Variants in SOAT1 observed in about 807,000 individuals in gnomAD.
SOAT1 encodes the protein acyl-coenzyme A:cholesterol acyltransferase 1.
Under a neutral mutation model 69.5 loss-of-function variants are expected in SOAT1, and 55 were observed. The ratio of observed to expected loss-of-function variants is 0.79; its 90% CI spans 0.64 to 0.99. The LOEUF (loss-of-function observed/expected upper bound fraction) is 0.99. Among genes scored for constraint, SOAT1 ranks in the 50% least tolerant of loss-of-function variants. SOAT1 has a pLI of 0.00. For synonymous variants in SOAT1, 231 were observed against 224.7 expected (o/e 1.03, Z -0.25); for missense variants, 580 against 669.3 (o/e 0.87, Z 1.47).
chr1:179,345,051 A>G lies in SOAT1; in HGVS notation c.1092A>G (p.Leu364=), dbSNP rs753077876. 9 of 1,614,094 alleles carry G rather than the reference A, an allele frequency of 5.6e-6. No individual in the cohort carries two copies. Among genetic ancestry groups the G allele is most frequent in the Non-Finnish European group, 6.8e-6 (8 of 1,179,980 alleles). The change falls in exon 11 of 16, where the codon CTA becomes CTG. Residue 364 remains leucine, a synonymous_variant. Coordinates refer to ENST00000367619, the MANE Select transcript of SOAT1 (RefSeq NM_003101.6). ...CCTTCAGCGCTCGTGTTCTGGTCCT[A>G]TGTGTATTTAACTCCATCTTGCCAG... The part of the protein sequence containing the change: ...QEPFSARVLV[L]CVFNSILPGV...
In SOAT1 at chr1:179,348,833, T is replaced by G; in HGVS notation, c.1216-11T>G. 6.9e-7 allele frequency: 1 copy of G among 1,455,382 alleles called. No homozygotes were observed. Among genetic ancestry groups the G allele is most frequent in the Non-Finnish European group, 9.6e-7 (1 of 1,042,040 alleles). 90.2% of individuals were successfully genotyped at this position (1,455,382 alleles called of 1,614,324 possible). On this transcript the variant is annotated splice_polypyrimidine_tract_variant and intron_variant, in intron 12 of 15. Coordinates refer to ENST00000367619, the MANE Select transcript of SOAT1 (RefSeq NM_003101.6). ...GTGTGTGTAGTTTTATACCTTTACT[T>G]TTTCCCTCAGGATTGGTGGAACTCC...
At chr1:179,343,033 G>C in intron 9 of SOAT1, 90 bp downstream of exon 9, 1 of 949,338 alleles carries the variant, frequency 1.1e-6, no homozygotes, top group South Asian at 1.4e-5. Flanking sequence ...GTTCATGTAG[G>C]GACATAGAAA....
At chr1:179,307,308 A>T (rs1665041587) in intron 2 of SOAT1, among the ~76,000 whole-genome samples, 2 of 152,238 alleles carry the variant, frequency 1.3e-5, no homozygotes, top group South Asian at 4.1e-4. Context: ...AAGATGGTAA[A>T]CTAAATAGAC....
chr1:179,308,627 G>A lies in SOAT1; in HGVS notation c.118+5825G>A, dbSNP rs192975366. 4.9e-3 allele frequency among the ~76,000 whole-genome samples: 729 copies of A among 147,586 alleles called. 20 individuals are homozygous for A. Among genetic ancestry groups the A allele is most frequent in the Admixed American group, 0.044 (636 of 14,476 alleles). Reference sequence around the variant, plus strand: ...ACGGAGGTTTCAGTGAGCCGAGACCGCGCCACTGCACTCTAGCCTGGGTGA... The same window carrying A: ...ACGGAGGTTTCAGTGAGCCGAGACCACGCCACTGCACTCTAGCCTGGGTGA... On this transcript the variant is annotated intron_variant, in intron 2 of 15. Coordinates refer to ENST00000367619, the MANE Select transcript of SOAT1 (RefSeq NM_003101.6).
intron 3 of SOAT1, among the ~76,000 whole-genome samples, chr1:179,331,772 G>A (rs569659323): frequency 1.3e-5 from 2 of 152,140 alleles, no homozygotes; most frequent in Non-Finnish European, 2.9e-5. Flanking sequence ...ACCTTTCTGA[G>A]GAGTCAATTT....
chr1:179,302,855 C>A, intron 2 of SOAT1, 53 bp downstream of exon 2: 1 of 950,444 alleles, frequency 1.1e-6, no homozygotes, highest in Non-Finnish European at 1.6e-6. Context: ...AGAACAAATA[C>A]AGTGTTATAG....
intron 2 of SOAT1, among the ~76,000 whole-genome samples, chr1:179,313,483 T>C (rs936063601): frequency 6.6e-6 from 1 of 152,132 alleles, no homozygotes; most frequent in African/African-American, 2.4e-5. Context: ...TTACACATGG[T>C]GATTCACATT....
At chr1:179,343,737 C>A in intron 10 of SOAT1, 102 bp downstream of exon 10, 1 of 837,056 alleles carries the variant, frequency 1.2e-6, no homozygotes, top group Non-Finnish European at 1.9e-6. Flanking sequence ...GCTAAGAATG[C>A]TTTCTGTTGA....
chr1:179,333,796 GCCCT>G (rs1558051087), intron 3 of SOAT1, among the ~76,000 whole-genome samples: 1 of 82,038 alleles, frequency 1.2e-5, no homozygotes, highest in East Asian at 1.0e-3. Context: ...TCATGCCGTT[GCCCT>G]CTAGCCTGGG....
chr1:179,332,174 C>T (rs2124978126), intron 3 of SOAT1, among the ~76,000 whole-genome samples: 1 of 152,256 alleles, frequency 6.6e-6, no homozygotes, highest in South Asian at 2.1e-4. Context: ...GTAATCTCTG[C>T]CTGGAAGCCT....
chr1:179,323,790 G>A (rs1249883759), intron 3 of SOAT1, among the ~76,000 whole-genome samples: 1 of 152,126 alleles, frequency 6.6e-6, no homozygotes, highest in African/African-American at 2.4e-5. Flanking sequence ...TGAGTGCTTT[G>A]TGAAAGTATC....
At chr1:179,329,668 T>G (rs1277662840) in intron 3 of SOAT1, among the ~76,000 whole-genome samples, 2 of 149,252 alleles carry the variant, frequency 1.3e-5, no homozygotes, top group Non-Finnish European at 3.0e-5. Flanking sequence ...TGAGCTGAGA[T>G]CACACCACTG....
intron 2 of SOAT1, among the ~76,000 whole-genome samples, chr1:179,309,437 T>C (rs992539261): frequency 6.6e-6 from 1 of 152,156 alleles, no homozygotes; most frequent in Non-Finnish European, 1.5e-5. Context: ...CATTTAAAAT[T>C]TAGACATTAT....
rs1280637199 is a variant in SOAT1, at chr1:179,355,574, GCT to G, written c.*1936_*1937del. ...TTGTTTGTTTTTGAGACAGAGTCTT[GCT>G]CTGTCGCCGGGGCTGGAGTGCAATG... On this transcript the variant is annotated 3_prime_UTR_variant, in exon 16 of 16. Transcript: ENST00000367619. 2.0e-5 allele frequency: 3 copies of G among 153,706 alleles called. No individual in the cohort carries two copies. The highest frequency in any genetic ancestry group is 4.3e-5 in the Non-Finnish European group (3 of 69,340). The allele number at this position is 153,706 out of a possible 1,614,324, so 9.5% of individuals were successfully genotyped here.
chr1:179,337,795 C>G (rs750593098), intron 4 of SOAT1, 42 bp from the exon 5 acceptor site: 18 of 1,388,860 alleles, frequency 1.3e-5, no homozygotes, highest in Non-Finnish European at 1.5e-5. Context: ...TCTTATAATA[C>G]TTGAAGTACT....
chr1:179,354,633 A>AT lies in SOAT1; in HGVS notation c.*992_*993insT, dbSNP rs1260879473. On this transcript the variant is annotated 3_prime_UTR_variant, in exon 16 of 16. Transcript: ENST00000367619. ...AGTATTAATCACCTCCACTCATATT[A>AT]AAGTGATCATTAAGAATCCAGAAGC... 1 of 152,206 alleles carries AT rather than the reference A, an allele frequency of 6.6e-6. No homozygotes were observed. The highest frequency in any genetic ancestry group is 6.5e-5 in the Admixed American group (1 of 15,278). 9.4% of individuals were successfully genotyped at this position (152,206 alleles called of 1,614,324 possible). A position where few individuals can be genotyped will look rare whatever the true frequency, so the allele number is the denominator to read the frequency against.
intron 5 of SOAT1, 142 bp downstream of exon 5, chr1:179,338,038 G>A (rs1295860778): frequency 4.0e-6 from 2 of 500,502 alleles, no homozygotes; most frequent in African/African-American, 2.0e-5. Flanking sequence ...GCTCTCTCTT[G>A]CTCCTTTCTG....
Position 179,351,871 on chromosome 1 carries a change from C to T in SOAT1, c.1596+409C>T, listed in dbSNP as rs541709991. On this transcript the variant is annotated intron_variant, in intron 15 of 15. Transcript: ENST00000367619. Reference sequence around the variant, plus strand: ...AGTAGCTGGGATTGCAGGAGCATGCCACCATGCCCGCTAAATTTTTGTATT... The same window carrying T: ...AGTAGCTGGGATTGCAGGAGCATGCTACCATGCCCGCTAAATTTTTGTATT... 1.1e-3 allele frequency among the ~76,000 whole-genome samples: 166 copies of T among 151,940 alleles called. 1 individual carries two copies. The highest frequency in any genetic ancestry group is 3.4e-3 in the Middle Eastern group (1 of 292).
chr1:179,316,630 T>C (rs1199930192), intron 2 of SOAT1, among the ~76,000 whole-genome samples: 1 of 152,128 alleles, frequency 6.6e-6, no homozygotes, highest in Non-Finnish European at 1.5e-5. Context: ...CGACCTCAGG[T>C]GATCCACCTG....
Sources: allele counts gnomAD v4.1 joint callset (sites outside exome capture counted in the v4.1 genomes callset), GRCh38; gene constraint gnomAD v4.1.1; transcripts MANE v1.5; gene names NCBI Gene and HGNC (gene_info 2026-07-23, HGNC 2026-07-21).